The following DAB1 variants were observed in gnomAD, a reference collection of about 807,000 sequenced individuals.
The protein encoded by DAB1 is DAB adaptor protein 1.
A neutral mutation model predicts 64.6 loss-of-function variants in DAB1; 15 were observed. That is an observed-to-expected ratio of 0.23 (90% confidence interval 0.16 to 0.36). DAB1 has a LOEUF of 0.36. DAB1 is among the 10% of genes least tolerant of loss of function. The probability of loss-of-function intolerance (pLI) is 1.00; values close to 1 mark genes in which losing one functional copy is unlikely to be tolerated. For synonymous variants in DAB1, 235 were observed against 251.9 expected (o/e 0.93, Z 0.64); for missense variants, 596 against 706.7 (o/e 0.84, Z 1.78).
At chr1:58,154,301 G>A (rs1032205702) in intron 4 of DAB1, among the ~76,000 whole-genome samples, 1 of 152,058 alleles carries the variant, frequency 6.6e-6, no homozygotes, top group African/African-American at 2.4e-5. Flanking sequence ...CACAATGGCT[G>A]TCATGGTGTT....
chr1:57,058,382 T>C (rs1190228855), intron 9 of DAB1, among the ~76,000 whole-genome samples: 1 of 152,216 alleles, frequency 6.6e-6, no homozygotes, highest in Non-Finnish European at 1.5e-5. Flanking sequence ...TAGATGAGCT[T>C]TGAGTCTATA....
intron 4 of DAB1, among the ~76,000 whole-genome samples, chr1:58,291,793 A>T (rs1416524915): frequency 6.6e-6 from 1 of 152,206 alleles, no homozygotes; most frequent in Non-Finnish European, 1.5e-5. Context: ...TAGAAAATGC[A>T]AGACTCGAAG....
intron 6 of DAB1, among the ~76,000 whole-genome samples, chr1:57,711,204 T>C (rs1364683494): frequency 1.3e-5 from 2 of 152,228 alleles, no homozygotes; most frequent in African/African-American, 4.8e-5. Flanking sequence ...AAAGGCCTAT[T>C]ATCATTTAAA....
chr1:58,131,338 T>C (rs1277800195), intron 5 of DAB1, among the ~76,000 whole-genome samples: 1 of 140,590 alleles, frequency 7.1e-6, no homozygotes, highest in Non-Finnish European at 1.6e-5. Context: ...TCTCTATTGG[T>C]TATTCTAGTT....
chr1:57,982,884 C>T (rs1000280547), intron 5 of DAB1, among the ~76,000 whole-genome samples: 8 of 152,146 alleles, frequency 5.3e-5, no homozygotes, highest in South Asian at 2.1e-4. Context: ...AACACTTTCA[C>T]CAATATTTTC....
At chr1:57,247,749 T>C (rs1007229016) in intron 2 of DAB1, among the ~76,000 whole-genome samples, 3 of 152,290 alleles carry the variant, frequency 2.0e-5, no homozygotes, top group Non-Finnish European at 4.4e-5. Flanking sequence ...GTAGAAGTGA[T>C]GAGTGTAACT....
In DAB1 at chr1:58,023,640, A is replaced by T. The variant is rs1646845987; in HGVS notation, n.387+126871T>A. Reference sequence around the variant, plus strand: ...TTGTCAAATGAATGAACTAGGAAGGATAATAGAAGTATAAGAATAATTTAT... The same window carrying T: ...TTGTCAAATGAATGAACTAGGAAGGTTAATAGAAGTATAAGAATAATTTAT... On this transcript the variant is annotated intron_variant and non_coding_transcript_variant, in intron 5 of 20. Coordinates refer to the DAB1 transcript ENST00000485760. Among the ~76,000 whole-genome samples the T allele has an allele frequency of 3.9e-5, 6 of 152,332 alleles. No homozygotes were observed. In the South Asian group the frequency reaches 1.2e-3, roughly 32 times the overall value.
intron 3 of DAB1, among the ~76,000 whole-genome samples, chr1:58,424,446 C>T (rs1644801965): frequency 6.6e-6 from 1 of 152,174 alleles, no homozygotes; most frequent in African/African-American, 2.4e-5. Flanking sequence ...TTTGCACCAC[C>T]TATTGTGGGG....
intron 5 of DAB1, among the ~76,000 whole-genome samples, chr1:58,046,585 G>T (rs1003462915): frequency 3.3e-5 from 5 of 152,116 alleles, no homozygotes; most frequent in African/African-American, 9.7e-5. Flanking sequence ...TACTAATGAG[G>T]TTGAACACAT....
chr1:57,329,915 C>T (rs1369644606), intron 1 of DAB1, among the ~76,000 whole-genome samples: 1 of 152,160 alleles, frequency 6.6e-6, no homozygotes, highest in Non-Finnish European at 1.5e-5. Context: ...TATTCATTAA[C>T]CCATCAAGAA....
chr1:57,073,675 G>A (rs1265679375), intron 4 of DAB1, among the ~76,000 whole-genome samples: 3 of 152,094 alleles, frequency 2.0e-5, no homozygotes, highest in Admixed American at 2.0e-4. Flanking sequence ...TGTACCTCAA[G>A]TTTAACCCTC....
At chr1:58,516,286 C>A (rs12141238) in intron 2 of DAB1, among the ~76,000 whole-genome samples, 23,406 of 152,092 alleles carry the variant, frequency 0.15, 1,871 homozygotes, top group Middle Eastern at 0.23. Context: ...GAAACTGTTA[C>A]GAAAAAATTA....
At position 56,995,241 on chromosome 1, in the gene DAB1, G is replaced by A. The variant is rs546100878; in HGVS notation, c.*2903C>T. ...CAAATTTAGTGCTAGTGGAGGATGA[G>A]GAATTAACAGTTGTACACATGGATT... On this transcript the variant is annotated 3_prime_UTR_variant, in exon 15 of 15. Transcript: ENST00000371236. 1 of 152,292 alleles carries A rather than the reference G, an allele frequency of 6.6e-6. No homozygotes were observed. Among genetic ancestry groups the A allele is most frequent in the Non-Finnish European group, 1.5e-5 (1 of 68,036 alleles). The allele number at this position is 152,292 out of a possible 1,614,324, so 9.4% of individuals were successfully genotyped here.
chr1:58,389,245 C>T (rs1230965505), intron 3 of DAB1, among the ~76,000 whole-genome samples: 2 of 152,162 alleles, frequency 1.3e-5, no homozygotes, highest in Non-Finnish European at 2.9e-5. Flanking sequence ...TGAGACCAGC[C>T]AGGGCAACAT....
intron 4 of DAB1, among the ~76,000 whole-genome samples, chr1:58,281,234 C>T (rs1037635563): frequency 6.6e-6 from 1 of 152,220 alleles, no homozygotes; most frequent in East Asian, 1.9e-4. Flanking sequence ...TCTTTGCCTA[C>T]TCAGCATCTA....
At chr1:57,399,215 T>C (rs1683049259) in intron 1 of DAB1, among the ~76,000 whole-genome samples, 1 of 152,192 alleles carries the variant, frequency 6.6e-6, no homozygotes, top group African/African-American at 2.4e-5. Context: ...GGTCTTTTTT[T>C]CTTTGTGGAA....
intron 5 of DAB1, among the ~76,000 whole-genome samples, chr1:57,970,519 C>T (rs574452542): frequency 5.9e-5 from 9 of 152,012 alleles, no homozygotes; most frequent in Admixed American, 2.0e-4. Context: ...AGGATATCTA[C>T]GGCGCTTGAG....
At chr1:57,676,380 A>G (rs953937322) in intron 6 of DAB1, among the ~76,000 whole-genome samples, 2 of 152,240 alleles carry the variant, frequency 1.3e-5, no homozygotes, top group Admixed American at 6.5e-5. Flanking sequence ...TGGATTTCAT[A>G]CCAATCTGAT....
chr1:57,403,250 G>C (rs1479291767), intron 1 of DAB1, among the ~76,000 whole-genome samples: 3 of 152,208 alleles, frequency 2.0e-5, no homozygotes, highest in Non-Finnish European at 4.4e-5. Flanking sequence ...GATCCATTGG[G>C]AAAAAGCCCT....
Sources: allele counts gnomAD v4.1 joint callset (sites outside exome capture counted in the v4.1 genomes callset), GRCh38; gene constraint gnomAD v4.1.1; transcripts MANE v1.5; gene names NCBI Gene and HGNC (gene_info 2026-07-23, HGNC 2026-07-21).